The following DNAJC1 variants were observed in gnomAD, a reference collection of about 807,000 sequenced individuals.
The protein encoded by DNAJC1 is dnaJ homolog subfamily C member 1.
Under a neutral mutation model 76.6 loss-of-function variants are expected in DNAJC1, and 58 were observed. The ratio of observed to expected loss-of-function variants is 0.76; its 90% confidence interval spans 0.61 to 0.94. DNAJC1 has a LOEUF of 0.94. DNAJC1 is among the 40% of genes least tolerant of loss of function. DNAJC1 has a pLI of 0.00. For synonymous variants in DNAJC1, 258 were observed against 267.9 expected (o/e 0.96, Z 0.36); for missense variants, 689 against 677.3 (o/e 1.02, Z -0.19).
intron 6 of DNAJC1, among the ~76,000 whole-genome samples, chr10:21,910,848 AGAGGAGAGGAGAG>A (rs1431278408): frequency 9.8e-6 from 1 of 102,232 alleles, no homozygotes; most frequent in Non-Finnish European, 1.9e-5. Flanking sequence ...AGAGGAGAGG[AGAGGAGAGGAGAG>A]GAGAGGAGAG....
intron 9 of DNAJC1, among the ~76,000 whole-genome samples, chr10:21,768,880 C>T (rs1456835569): frequency 1.3e-5 from 2 of 152,172 alleles, no homozygotes; most frequent in African/African-American, 2.4e-5. Context: ...CAGAACTATG[C>T]TCCATCAATT....
At chr10:21,852,138 A>ATAT (rs1353737435) in intron 8 of DNAJC1, among the ~76,000 whole-genome samples, 1 of 149,712 alleles carries the variant, frequency 6.7e-6, no homozygotes, top group African/African-American at 2.5e-5. Flanking sequence ...CACACACGGA[A>ATAT]TATTATTCAG....
At chr10:21,812,141 C>T (rs1834978300) in intron 8 of DNAJC1, among the ~76,000 whole-genome samples, 2 of 151,880 alleles carry the variant, frequency 1.3e-5, no homozygotes, top group Non-Finnish European at 2.9e-5. Flanking sequence ...TCACTGCAAC[C>T]TCTGCCTCCC....
intron 8 of DNAJC1, among the ~76,000 whole-genome samples, chr10:21,877,766 C>A (rs567267465): frequency 1.3e-5 from 2 of 152,082 alleles, no homozygotes; most frequent in Non-Finnish European, 2.9e-5. Context: ...GTACAGCTGA[C>A]CCTTGAACAA....
intron 8 of DNAJC1, among the ~76,000 whole-genome samples, chr10:21,869,798 T>C (rs538586996): frequency 6.6e-6 from 1 of 152,230 alleles, no homozygotes; most frequent in South Asian, 2.1e-4. Context: ...TGTACAAATG[T>C]CAATTTCCTG....
Position 21,920,940 on chromosome 10 carries a change from C to G in DNAJC1, c.395G>C (p.Gly132Ala), listed in dbSNP as rs755794314. 1.2e-6 allele frequency: 2 copies of G among 1,610,574 alleles called. No homozygotes were observed. Among genetic ancestry groups the G allele is most frequent in the Non-Finnish European group, 1.7e-6 (2 of 1,178,182 alleles). The change falls in exon 4 of 12, where the codon GGA (glycine) becomes GCA (alanine). Residue 132 changes from glycine (G) to alanine (A), a missense_variant. Transcript: ENST00000376980. Reference sequence around the variant, plus strand: ...TACAGGCTGTCGCCAATCTGGAAGTCCATTGATCAGAATATCATCATACCT... The same window carrying G: ...TACAGGCTGTCGCCAATCTGGAAGTGCATTGATCAGAATATCATCATACCT... The part of the protein sequence containing the change: ...RQRYDDILIN[G>A]LPDWRQPVFY...
intron 8 of DNAJC1, among the ~76,000 whole-genome samples, chr10:21,858,809 G>A (rs1835880233): frequency 6.6e-6 from 1 of 152,094 alleles, no homozygotes; most frequent in Non-Finnish European, 1.5e-5. Context: ...TATTTTAAAA[G>A]AGTTTATTTG....
At chr10:21,826,887 C>A (rs1385775965) in intron 8 of DNAJC1, among the ~76,000 whole-genome samples, 1 of 151,622 alleles carries the variant, frequency 6.6e-6, no homozygotes, top group East Asian at 1.9e-4. Context: ...AGTACCACAC[C>A]ATTTTGAGTA....
At chr10:21,822,826 G>A (rs891525804) in intron 8 of DNAJC1, among the ~76,000 whole-genome samples, 1 of 151,698 alleles carries the variant, frequency 6.6e-6, no homozygotes, top group Non-Finnish European at 1.5e-5. Flanking sequence ...GACAAGGCTT[G>A]AAAATTCTAA....
intron 8 of DNAJC1, among the ~76,000 whole-genome samples, chr10:21,858,538 A>G (rs1292648687): frequency 6.6e-6 from 1 of 152,220 alleles, no homozygotes; most frequent in Non-Finnish European, 1.5e-5. Context: ...TGTATAGAAG[A>G]TCTGTGTTTT....
intron 1 of DNAJC1, among the ~76,000 whole-genome samples, chr10:21,986,764 G>GT (rs752580168): frequency 2.7e-4 from 41 of 150,310 alleles, no homozygotes; most frequent in Admixed American, 4.6e-4. Context: ...GAAATTTTTT[G>GT]TTTTTTTTGT....
At chr10:21,839,769 G>C (rs1008970622) in intron 8 of DNAJC1, among the ~76,000 whole-genome samples, 2 of 152,072 alleles carry the variant, frequency 1.3e-5, no homozygotes, top group African/African-American at 4.8e-5. Context: ...GCATCATCCT[G>C]ATACCAAAGC....
intron 8 of DNAJC1, among the ~76,000 whole-genome samples, chr10:21,862,637 C>T (rs993602245): frequency 1.3e-5 from 2 of 151,524 alleles, no homozygotes; most frequent in Non-Finnish European, 2.9e-5. Flanking sequence ...CTATGTTGGC[C>T]AGGCTGGTCT....
chr10:21,948,349 C>T (rs892715274), intron 1 of DNAJC1, among the ~76,000 whole-genome samples: 2 of 152,110 alleles, frequency 1.3e-5, no homozygotes, highest in African/African-American at 4.8e-5. Flanking sequence ...GAAATCATTG[C>T]ACAAAATAAT....
intron 1 of DNAJC1, among the ~76,000 whole-genome samples, chr10:21,969,223 C>T (rs1280961967): frequency 1.1e-5 from 1 of 87,060 alleles, no homozygotes; most frequent in Non-Finnish European, 2.3e-5. Context: ...GACTCCATTT[C>T]AAAAAAAAAA....
chr10:21,786,449 TATATATATATATATAGAGAGAGAGAGAG>T (rs1564787605), intron 9 of DNAJC1, among the ~76,000 whole-genome samples: 5 of 107,742 alleles, frequency 4.6e-5, no homozygotes, highest in East Asian at 2.5e-4. Flanking sequence ...TATATATATA[TATATATATATATATAGAGAGAGAGAGAG>T]AGAGAGAGAG....
At chr10:21,912,531 T>C (rs983457913) in intron 6 of DNAJC1, among the ~76,000 whole-genome samples, 2 of 152,182 alleles carry the variant, frequency 1.3e-5, no homozygotes, top group African/African-American at 4.8e-5. Context: ...CTTTGTCCTG[T>C]AGCAGTAGTT....
At chr10:21,921,114 A>G in intron 3 of DNAJC1, 151 bp from the exon 4 acceptor site, 2 of 712,848 alleles carry the variant, frequency 2.8e-6, no homozygotes, top group Non-Finnish European at 4.4e-6. Flanking sequence ...TATCGAGTAA[A>G]TTCAAAGCAC....
At chr10:21,966,985 G>T (rs1837902029) in intron 1 of DNAJC1, among the ~76,000 whole-genome samples, 1 of 149,464 alleles carries the variant, frequency 6.7e-6, no homozygotes. Context: ...ACTGCACCCG[G>T]CCTTGCCCAC....
Sources: gnomAD v4.1 joint callset for allele counts (sites outside exome capture counted in the v4.1 genomes callset) on GRCh38, gnomAD v4.1.1 for gene constraint, MANE v1.5 for transcripts, NCBI Gene and HGNC (gene_info 2026-07-23, HGNC 2026-07-21) for gene names.